Variants in GATAD2A observed in about 807,000 individuals in gnomAD.
GATAD2A encodes the protein GATA zinc finger domain containing 2A.
Under a neutral mutation model 68.5 loss-of-function variants are expected in GATAD2A, and 12 were observed. The ratio of observed to expected loss-of-function variants is 0.18; its 90% confidence interval spans 0.11 to 0.28. The LOEUF (loss-of-function observed/expected upper bound fraction) is 0.28. GATAD2A is among the 10% of genes least tolerant of loss of function. GATAD2A has a pLI of 1.00. For missense variants in GATAD2A, 755 were observed against 868.5 expected (o/e 0.87, Z 1.64); for synonymous variants, 410 against 375.3 (o/e 1.09, Z -1.07).
At chr19:19,460,285 C>T (rs75235460) in intron 1 of GATAD2A, among the ~76,000 whole-genome samples, 2,165 of 152,274 alleles carry the variant, frequency 0.014, 57 homozygotes, top group African/African-American at 0.049. Context: ...CCCATCTGTG[C>T]TGTGCATCAA....
intron 1 of GATAD2A, among the ~76,000 whole-genome samples, chr19:19,447,628 G>A (rs1328721308): frequency 6.6e-6 from 1 of 152,198 alleles, no homozygotes; most frequent in Non-Finnish European, 1.5e-5. Flanking sequence ...GTAGACCCAC[G>A]GGCTGGGGCT....
Position 19,506,367 on chromosome 19 carries a change from C to T in GATAD2A, c.*893C>T, listed in dbSNP as rs1187365118. The T allele has an allele frequency of 2.5e-6, 1 of 395,628 alleles. No homozygotes were observed. The highest frequency in any genetic ancestry group is 2.1e-5 in the African/African-American group (1 of 48,582). The allele number at this position is 395,628 out of a possible 1,614,324, so 24.5% of individuals were successfully genotyped here. Reference sequence around the variant, plus strand: ...AGCAGAAAGCTGGAGGGGGGACTGTCGCGGGGTTTTTCTGTTGTGGTTTAT... The same window carrying T: ...AGCAGAAAGCTGGAGGGGGGACTGTTGCGGGGTTTTTCTGTTGTGGTTTAT... On this transcript the variant is annotated 3_prime_UTR_variant, in exon 12 of 12. Coordinates refer to ENST00000683918, the MANE Select transcript of GATAD2A (RefSeq NM_001384528.1).
Position 19,502,442 on chromosome 19 carries a change from A to G in GATAD2A, c.1690A>G (p.Arg564Gly). 1.2e-6 allele frequency: 2 copies of G among 1,613,670 alleles called. No homozygotes were observed. The highest frequency in any genetic ancestry group is 1.7e-6 in the Non-Finnish European group (2 of 1,179,910). Residue 564 changes from arginine (R) to glycine (G), a missense_variant, in exon 11 of 12, where the codon AGG becomes GGG. By Grantham distance (125) the Arg-to-Gly change is moderately radical. Coordinates refer to ENST00000683918, the MANE Select transcript of GATAD2A (RefSeq NM_001384528.1). ...AGCCTCGGCCACAGCCCTGGTCAGCAGGACCGGCAGACATTCTGAGAGAAC... is the reference window on the plus strand; with the variant it reads ...AGCCTCGGCCACAGCCCTGGTCAGCGGGACCGGCAGACATTCTGAGAGAAC... ...NSASATALVS[R>G]TGRHSERTVS... is the part of the protein sequence containing the mutation.
intron 2 of GATAD2A, among the ~76,000 whole-genome samples, chr19:19,479,492 C>G (rs541514365): frequency 6.6e-6 from 1 of 152,262 alleles, no homozygotes; most frequent in African/African-American, 2.4e-5. Context: ...TCCCTAGATT[C>G]CTTGGACTAT....
chr19:19,407,890 T>C (rs533304063), intron 1 of GATAD2A, among the ~76,000 whole-genome samples: 1 of 152,354 alleles, frequency 6.6e-6, no homozygotes, highest in African/African-American at 2.4e-5. Context: ...CTCCCCTCCT[T>C]CATCTTTCAG....
At position 19,505,355 on chromosome 19, in the gene GATAD2A, GC is replaced by G. The variant is rs2060820107; in HGVS notation, c.1787del (p.Ala596GlyfsTer26). 1.2e-6 allele frequency: 2 copies of G among 1,613,274 alleles called. No individual in the cohort carries two copies. Among genetic ancestry groups the G allele is most frequent in the South Asian group, 1.1e-5 (1 of 91,008 alleles). ...CTGTTCTGTTGCAGGCGGGACCCTT[GC>G]GTTTGTCAGCCCAAGCCTGGCGGTG... ...KTPLSTGGTL[A>X]FVSPSLAVHK... is the part of the protein sequence containing the mutation. On this transcript the variant is annotated frameshift_variant, in exon 12 of 12. Coordinates refer to ENST00000683918, the MANE Select transcript of GATAD2A (RefSeq NM_001384528.1). LOFTEE classifies it high-confidence loss of function.
At chr19:19,479,560 G>T (rs942474221) in intron 2 of GATAD2A, among the ~76,000 whole-genome samples, 3 of 152,212 alleles carry the variant, frequency 2.0e-5, no homozygotes, top group Non-Finnish European at 4.4e-5. Flanking sequence ...AGGAGCAGAG[G>T]TCAAGTGTTC....
At chr19:19,501,867 A>T in intron 9 of GATAD2A, 102 bp from the exon 10 acceptor site, 1 of 829,010 alleles carries the variant, frequency 1.2e-6, no homozygotes, top group African/African-American at 1.7e-5. Context: ...CTTGGCGCCT[A>T]AAGTCCCCAG....
At chr19:19,472,784 G>T (rs2058410029) in intron 2 of GATAD2A, 1 of 152,150 alleles carries the variant, frequency 6.6e-6, no homozygotes, top group South Asian at 2.1e-4. Context: ...TCTGTGAATG[G>T]CCACACCTCA....
intron 2 of GATAD2A, among the ~76,000 whole-genome samples, chr19:19,468,788 C>G (rs1283279540): frequency 6.6e-6 from 1 of 152,174 alleles, no homozygotes; most frequent in Non-Finnish European, 1.5e-5. Context: ...GGTAGACCTG[C>G]CAGTTCTTCA....
In GATAD2A at chr19:19,405,976, C is replaced by G. The variant is rs1454560435; in HGVS notation, c.-50C>G. 5 of 150,298 alleles carry G rather than the reference C, an allele frequency of 3.3e-5. No individual in the cohort carries two copies. Among genetic ancestry groups the G allele is most frequent in the African/African-American group, 4.9e-5 (2 of 41,176 alleles). 9.3% of individuals were successfully genotyped at this position (150,298 alleles called of 1,614,324 possible). ...CGGGCGACCCCGGACCAGCAGCCCC[C>G]GTAACCTGCGCGCTGCCCTAGGGCC... On this transcript the variant is annotated 5_prime_UTR_variant, in exon 1 of 12. Transcript: ENST00000683918.
At chr19:19,418,407 C>G (rs1201303305) in intron 1 of GATAD2A, among the ~76,000 whole-genome samples, 1 of 152,216 alleles carries the variant, frequency 6.6e-6, no homozygotes, top group Non-Finnish European at 1.5e-5. Context: ...GGGACCATCT[C>G]CATACATTGG....
At chr19:19,443,378 GGCAA>G (rs1568290360) in intron 1 of GATAD2A, among the ~76,000 whole-genome samples, 2 of 152,150 alleles carry the variant, frequency 1.3e-5, no homozygotes, top group Non-Finnish European at 1.5e-5. Context: ...TGGGAAACAG[GGCAA>G]GCATCCTAAC....
rs887516858 is a variant in GATAD2A, at chr19:19,505,856, G to A, written c.*382G>A. 14 of 402,968 alleles carry A rather than the reference G, an allele frequency of 3.5e-5. No homozygotes were observed. Among genetic ancestry groups the A allele is most frequent in the Non-Finnish European group, 5.7e-5 (13 of 229,362 alleles). The allele number at this position is 402,968 out of a possible 1,614,324, so 25.0% of individuals were successfully genotyped here. A position where few individuals can be genotyped will look rare whatever the true frequency, so the allele number is the denominator to read the frequency against. The stretch of plus-strand genomic sequence containing the variant: ...TCACCCTGGACACTGTGATGCGCAT[G>A]GGCAAGGCCAGCGCCCGGGGCTTCT... On this transcript the variant is annotated 3_prime_UTR_variant, in exon 12 of 12. Transcript: ENST00000683918.
chr19:19,393,220 T>C (rs1324424562), intron 1 of GATAD2A, among the ~76,000 whole-genome samples: 3 of 152,100 alleles, frequency 2.0e-5, no homozygotes, highest in African/African-American at 7.2e-5. Context: ...CAAGAATGGC[T>C]TGAACCTGAG....
chr19:19,467,408 G>A (rs1226068944), intron 2 of GATAD2A, among the ~76,000 whole-genome samples: 2 of 151,916 alleles, frequency 1.3e-5, no homozygotes, highest in Non-Finnish European at 2.9e-5. Context: ...CACCTCTGAA[G>A]CCCCCTCATG....
At chr19:19,488,903 G>T (rs969114166) in intron 2 of GATAD2A, among the ~76,000 whole-genome samples, 2 of 152,222 alleles carry the variant, frequency 1.3e-5, no homozygotes, top group Admixed American at 1.3e-4. Flanking sequence ...CGGGACGGCT[G>T]CTGTGGAGTG....
intron 1 of GATAD2A, chr19:19,435,128 C>T (rs1249744889): frequency 1.9e-6 from 1 of 532,968 alleles, no homozygotes; most frequent in Non-Finnish European, 3.9e-6. Context: ...TGGGCATGAT[C>T]CAGGAACCTG....
rs374391056 is a variant in GATAD2A at position 19,482,186 on chromosome 19, T to A, written c.270-10120T>A. The stretch of plus-strand genomic sequence containing the variant: ...TGGGAGGCCGAGGTGGGCAGATCAC[T>A]TGAGCCCAGGAGTTTGAGACCAGCC... On this transcript the variant is annotated intron_variant, in intron 2 of 11. Transcript: ENST00000683918. Among the ~76,000 whole-genome samples the A allele has an allele frequency of 2.0e-4, 31 of 152,250 alleles. No individual in the cohort carries two copies. The East Asian group carries it at 4.8e-3, about 24-fold the overall frequency.
Sources: allele counts gnomAD v4.1 joint callset (sites outside exome capture counted in the v4.1 genomes callset), GRCh38; gene constraint gnomAD v4.1.1; transcripts MANE v1.5; gene names NCBI Gene and HGNC (gene_info 2026-07-23, HGNC 2026-07-21).